The following TF variants were observed in gnomAD, a reference collection of about 807,000 sequenced individuals.
TF encodes the protein serotransferrin.
TF carries 55 observed loss-of-function variants against 82.4 expected under a neutral mutation model. The ratio of observed to expected loss-of-function variants is 0.67; its 90% CI spans 0.54 to 0.84. The LOEUF is 0.84. Among genes scored for constraint, TF ranks in the 40% least tolerant of loss-of-function variants. The pLI, the probability that TF is intolerant of heterozygous loss-of-function variation, is 0.00. For synonymous variants in TF, 332 were observed against 332.6 expected (o/e 1.00, Z 0.02); for missense variants, 737 against 868.4 (o/e 0.85, Z 1.90).
chr3:133,751,186 T>C (rs1162332822), intron 2 of TF, among the ~76,000 whole-genome samples: 1 of 151,456 alleles, frequency 6.6e-6, no homozygotes, highest in Non-Finnish European at 1.5e-5. Flanking sequence ...AAAACATAAG[T>C]GAAGCAAGCT....
chr3:133,729,865 T>C, the TF span, among the ~76,000 whole-genome samples: 1 of 152,218 alleles, frequency 6.6e-6, no homozygotes, highest in African/African-American at 2.4e-5. Flanking sequence ...ATTCAGATCA[T>C]GGATTGTTTT....
chr3:133,728,386 C>T, the TF span, among the ~76,000 whole-genome samples: 18 of 152,100 alleles, frequency 1.2e-4, no homozygotes, highest in South Asian at 4.1e-4. Flanking sequence ...CTTCCCTTCT[C>T]TCTTCATTTC....
the TF span, chr3:133,699,399 C>T: frequency 1.0e-6 from 1 of 1,001,598 alleles, no homozygotes; most frequent in Non-Finnish European, 1.4e-6. Context: ...CTAACTATGG[C>T]TCATGGCTCT....
At chr3:133,755,609 C>T (rs1479495468) in intron 5 of TF, 114 bp downstream of exon 5, 41 of 1,450,590 alleles carry the variant, frequency 2.8e-5, no homozygotes, top group Non-Finnish European at 3.9e-5. Flanking sequence ...ATCGAGGTGG[C>T]CTAATCCCCT....
intron 9 of TF, among the ~76,000 whole-genome samples, chr3:133,763,209 A>G (rs1184410678): frequency 6.6e-6 from 1 of 152,092 alleles, no homozygotes; most frequent in Non-Finnish European, 1.5e-5. Context: ...GAAAATATAT[A>G]AAGTGGCTGT....
intron 5 of TF, chr3:133,755,835 C>T (rs1933810972): frequency 2.2e-6 from 1 of 457,434 alleles, no homozygotes; most frequent in Non-Finnish European, 4.0e-6. Context: ...GACTGGCCCT[C>T]TTCCCTCAAT....
At chr3:133,664,060 G>C in the TF span, among the ~76,000 whole-genome samples, 5,270 of 152,214 alleles carry the variant, frequency 0.035, 300 homozygotes, top group African/African-American at 0.12. Context: ...AGCAGCATCG[G>C]CATCTCCTGG....
intron 6 of TF, 56 bp downstream of exon 6, chr3:133,756,393 C>T: frequency 6.4e-7 from 1 of 1,552,554 alleles, no homozygotes; most frequent in Non-Finnish European, 8.9e-7. Context: ...TGTTCTTTTT[C>T]TGTGTTCCCT....
At chr3:133,740,879 T>C in the TF span, among the ~76,000 whole-genome samples, 1 of 151,874 alleles carries the variant, frequency 6.6e-6, no homozygotes, top group African/African-American at 2.4e-5. Context: ...GCATTTGTTT[T>C]TCTTATGTTA....
the TF span, among the ~76,000 whole-genome samples, chr3:133,698,100 G>C: frequency 6.6e-6 from 1 of 152,170 alleles, no homozygotes; most frequent in South Asian, 2.1e-4. Flanking sequence ...CAGCACCTGG[G>C]GTGTTACCAA....
chr3:133,728,413 A>G, the TF span, among the ~76,000 whole-genome samples: 3 of 151,728 alleles, frequency 2.0e-5, no homozygotes, highest in Non-Finnish European at 2.9e-5. Flanking sequence ...TTCATCTTCC[A>G]TCACTGATAC....
chr3:133,699,580 G>A, the TF span: 1 of 619,248 alleles, frequency 1.6e-6, no homozygotes, highest in Non-Finnish European at 2.9e-6. Context: ...TGAAGTGTGG[G>A]TGGCAAGGAG....
intron 2 of TF, among the ~76,000 whole-genome samples, chr3:133,751,729 C>T (rs139227195): frequency 6.3e-4 from 96 of 152,232 alleles, no homozygotes; most frequent in African/African-American, 2.0e-3. Flanking sequence ...CGGTGGCTCA[C>T]GCCTGTAATC....
intron 14 of TF, among the ~76,000 whole-genome samples, chr3:133,771,789 G>T (rs1397763156): frequency 6.7e-6 from 1 of 150,008 alleles, no homozygotes; most frequent in Non-Finnish European, 1.5e-5. Flanking sequence ...GTTAACTTGT[G>T]GGTGAACGTT....
the TF span, among the ~76,000 whole-genome samples, chr3:133,737,304 A>G: frequency 0.11 from 17,298 of 152,242 alleles, 1,235 homozygotes; most frequent in Non-Finnish European, 0.15. Flanking sequence ...TCTCTGGGAC[A>G]CAGCTAAAGC....
upstream of TF, among the ~76,000 whole-genome samples, chr3:133,745,619 C>T (rs572763629): frequency 2.0e-5 from 3 of 152,356 alleles, no homozygotes; most frequent in South Asian, 6.2e-4. Flanking sequence ...CAGGCCACAC[C>T]GTCCACTGGG....
the TF span, chr3:133,699,641 C>A: frequency 1.9e-6 from 1 of 514,840 alleles, no homozygotes; most frequent in Non-Finnish European, 3.9e-6. Flanking sequence ...CACCTGCCAT[C>A]TTCCCCTCTG....
chr3:133,755,896 C>T (rs1475212768), intron 5 of TF: 3 of 424,730 alleles, frequency 7.1e-6, no homozygotes, highest in East Asian at 4.8e-5. Flanking sequence ...CCCCCATCAC[C>T]GTCTCTATCT....
At chr3:133,691,034 T>A in the TF span, among the ~76,000 whole-genome samples, 46,515 of 151,548 alleles carry the variant, frequency 0.31, 7,490 homozygotes, top group East Asian at 0.48. Flanking sequence ...GAATATATAT[T>A]GTAAAATATT....
Sources: gnomAD v4.1 joint callset for allele counts (sites outside exome capture counted in the v4.1 genomes callset) on GRCh38, gnomAD v4.1.1 for gene constraint, MANE v1.5 for transcripts, NCBI Gene and HGNC (gene_info 2026-07-23, HGNC 2026-07-21) for gene names.